NCAM2: variants seen among roughly 807,000 people sequenced by gnomAD.
The protein encoded by NCAM2 is N-CAM-2.
A neutral mutation model predicts 98.1 loss-of-function variants in NCAM2; 30 were observed. The observed-to-expected ratio is 0.31, with a 90% confidence interval of 0.23 to 0.41. NCAM2 has a LOEUF of 0.41. Among genes scored for constraint, NCAM2 ranks in the 10% least tolerant of loss-of-function variants. NCAM2 has a pLI of 1.00. For missense variants in NCAM2, 867 were observed against 1,005.8 expected (o/e 0.86, Z 1.87); for synonymous variants, 368 against 342.4 (o/e 1.07, Z -0.83).
rs918042806 is a variant in NCAM2 at position 21,220,600 on chromosome 21, CA to C, written c.56-59976del. On this transcript the variant is annotated intron_variant, in intron 1 of 17. Transcript: ENST00000400546. ...ATGACTGTATTTAGTTCAGCTCCTTCAATGAACTATTCCTCTTATTTCATCC... is the reference window on the plus strand; with the variant it reads ...ATGACTGTATTTAGTTCAGCTCCTTCATGAACTATTCCTCTTATTTCATCC... Among the ~76,000 whole-genome samples the C allele has an allele frequency of 1.8e-4, 27 of 152,252 alleles. No homozygotes were observed. The Middle Eastern group carries it at 0.01, about 58-fold the overall frequency.
chr21:21,478,896 A>T (rs867773901), intron 15 of NCAM2, among the ~76,000 whole-genome samples: 4 of 152,190 alleles, frequency 2.6e-5, no homozygotes, highest in Admixed American at 1.3e-4. Context: ...AAGATAACAC[A>T]TCTAAATAAG....
At chr21:21,055,900 G>T (rs1441587672) in intron 1 of NCAM2, among the ~76,000 whole-genome samples, 1 of 152,062 alleles carries the variant, frequency 6.6e-6, no homozygotes, top group Non-Finnish European at 1.5e-5. Flanking sequence ...AGTAGCTCTT[G>T]TCACCATTAT....
chr21:21,302,733 A>G (rs934000315), intron 5 of NCAM2, among the ~76,000 whole-genome samples: 7 of 152,148 alleles, frequency 4.6e-5, no homozygotes, highest in Non-Finnish European at 7.3e-5. Flanking sequence ...TATTCAACCC[A>G]GCAATCTCTT....
intron 1 of NCAM2, among the ~76,000 whole-genome samples, chr21:21,272,397 C>T (rs1239407612): frequency 6.6e-6 from 1 of 152,140 alleles, no homozygotes; most frequent in African/African-American, 2.4e-5. Context: ...CTTGGCCCTA[C>T]ACCAAATATA....
At chr21:21,267,859 G>A (rs2072346101) in intron 1 of NCAM2, among the ~76,000 whole-genome samples, 1 of 152,106 alleles carries the variant, frequency 6.6e-6, no homozygotes, top group South Asian at 2.1e-4. Context: ...AAGACAGAAA[G>A]TTTGTTTCTT....
At chr21:21,375,826 G>T (rs764195857) in intron 9 of NCAM2, among the ~76,000 whole-genome samples, 18 of 151,060 alleles carry the variant, frequency 1.2e-4, no homozygotes, top group Non-Finnish European at 2.2e-4. Context: ...AAAAGTGCTA[G>T]GCTGCTAGGC....
rs139276610 is a variant in NCAM2 at position 21,349,992 on chromosome 21, C to T, written c.1044+11458C>T. On this transcript the variant is annotated intron_variant, in intron 8 of 17. Coordinates refer to ENST00000400546, the MANE Select transcript of NCAM2 (RefSeq NM_004540.5). ...AAGAAATAGAAAGAATGAATAAGAC[C>T]TACTATTTGATAGTCCAACAGGGTG... is the stretch of plus-strand genomic sequence containing the variant. Among the ~76,000 whole-genome samples, 500 of 152,102 alleles carry T rather than the reference C, an allele frequency of 3.3e-3. 1 individual carries two copies. The highest frequency in any genetic ancestry group is 0.01 in the Middle Eastern group (3 of 294).
intron 1 of NCAM2, among the ~76,000 whole-genome samples, chr21:21,259,894 T>A: frequency 7.1e-6 from 1 of 141,722 alleles, no homozygotes. Context: ...TTTTTAAAAG[T>A]TACATCCAAA....
chr21:21,379,327 G>C (rs1172538370), intron 9 of NCAM2, among the ~76,000 whole-genome samples: 35 of 151,878 alleles, frequency 2.3e-4, no homozygotes, highest in Admixed American at 2.3e-3. Context: ...CATGCACTTA[G>C]TTGTAGATTT....
At chr21:21,025,466 A>G (rs530485358) in intron 1 of NCAM2, among the ~76,000 whole-genome samples, 16 of 152,276 alleles carry the variant, frequency 1.1e-4, no homozygotes, top group African/African-American at 3.1e-4. Context: ...TGAGTGTCCC[A>G]CTGTTTAATA....
intron 1 of NCAM2, among the ~76,000 whole-genome samples, chr21:21,024,275 C>T (rs2064495928): frequency 6.6e-6 from 1 of 152,120 alleles, no homozygotes; most frequent in Non-Finnish European, 1.5e-5. Flanking sequence ...ATATCAGTTC[C>T]TTTATGATAC....
At chr21:21,042,911 GGAAAA>G (rs2064934701) in intron 1 of NCAM2, among the ~76,000 whole-genome samples, 2 of 152,078 alleles carry the variant, frequency 1.3e-5, no homozygotes, top group African/African-American at 2.4e-5. Context: ...TAAAAGGCAA[GGAAAA>G]GAAAAGAAAA....
intron 12 of NCAM2, among the ~76,000 whole-genome samples, chr21:21,437,474 CTGTGTG>C (rs3990174): frequency 1.4e-5 from 2 of 144,430 alleles, no homozygotes; most frequent in African/African-American, 2.6e-5. Context: ...CACCAAGATT[CTGTGTG>C]TGTGTGTGTG....
chr21:21,454,793 AG>A (rs1981875837), intron 12 of NCAM2, among the ~76,000 whole-genome samples: 1 of 151,960 alleles, frequency 6.6e-6, no homozygotes, highest in Admixed American at 6.6e-5. Flanking sequence ...TTAAAAAACC[AG>A]GGCTTTAAGG....
intron 1 of NCAM2, among the ~76,000 whole-genome samples, chr21:21,006,500 C>A (rs1047598364): frequency 1.3e-5 from 2 of 152,046 alleles, no homozygotes; most frequent in Admixed American, 6.6e-5. Context: ...CAGAGTGAGA[C>A]CCCATCTCAA....
intron 1 of NCAM2, among the ~76,000 whole-genome samples, chr21:21,041,715 G>A (rs950676097): frequency 2.2e-4 from 34 of 152,160 alleles, no homozygotes; most frequent in Admixed American, 1.9e-3. Context: ...TTTGCTTCAG[G>A]GAAAGACGTC....
intron 12 of NCAM2, among the ~76,000 whole-genome samples, chr21:21,461,002 A>T (rs901514852): frequency 6.6e-6 from 1 of 151,918 alleles, no homozygotes; most frequent in Non-Finnish European, 1.5e-5. Context: ...GGAAGTTAGC[A>T]ATTTTGTGAG....
chr21:21,240,716 G>A (rs1235641697), intron 1 of NCAM2, among the ~76,000 whole-genome samples: 1 of 152,114 alleles, frequency 6.6e-6, no homozygotes, highest in African/African-American at 2.4e-5. Context: ...TGAGGGATTT[G>A]GTGAATCTCC....
At chr21:21,500,274 T>C (rs1987542348) in intron 15 of NCAM2, among the ~76,000 whole-genome samples, 1 of 152,152 alleles carries the variant, frequency 6.6e-6, no homozygotes, top group South Asian at 2.1e-4. Context: ...TAAAGGAGTA[T>C]TGACTAAACA....
Sources: gnomAD v4.1 joint callset for allele counts (sites outside exome capture counted in the v4.1 genomes callset) on GRCh38, gnomAD v4.1.1 for gene constraint, MANE v1.5 for transcripts, NCBI Gene and HGNC (gene_info 2026-07-23, HGNC 2026-07-21) for gene names.